Variants in SBF2 observed in about 807,000 individuals in gnomAD.
The protein encoded by SBF2 is SET binding factor 2, also known as myotubularin-related protein 13.
A neutral mutation model predicts 225.2 loss-of-function variants in SBF2; 112 were observed. That is an observed-to-expected ratio of 0.50 (90% CI 0.43 to 0.58). SBF2 has a LOEUF of 0.58. Among genes scored for constraint, SBF2 ranks in the 20% least tolerant of loss-of-function variants. SBF2 has a pLI of 0.00. For missense variants in SBF2, 1,996 were observed against 2,206.2 expected (o/e 0.90, Z 1.91); for synonymous variants, 763 against 773.3 (o/e 0.99, Z 0.22).
intron 1 of SBF2, among the ~76,000 whole-genome samples, chr11:10,224,157 G>A (rs1308121483): frequency 6.6e-6 from 1 of 151,778 alleles, no homozygotes; most frequent in Non-Finnish European, 1.5e-5. Context: ...AATATTTCTA[G>A]GCTATGCAGT....
At chr11:10,014,524 A>AAC (rs1948576849) in intron 6 of SBF2, among the ~76,000 whole-genome samples, 1 of 146,472 alleles carries the variant, frequency 6.8e-6, no homozygotes, top group Admixed American at 6.7e-5. Context: ...AAAAAAAAAA[A>AAC]AAAACGAAAA....
In SBF2 at chr11:9,795,816, C is replaced by T. The variant is rs766110959; in HGVS notation, c.4570+15G>A. 2.5e-6 allele frequency: 4 copies of T among 1,612,558 alleles called. No individual in the cohort carries two copies. The Admixed American group carries it at 5.0e-5, about 20-fold the overall frequency. ...ACTAACAAAAAAGATGAAACAAGGG[C>T]ATACAGACACATACCGTGCTCTAAT... On this transcript the variant is annotated intron_variant, in intron 33 of 39. Transcript: ENST00000256190.
chr11:10,251,889 TGGTCACTCTCTCACCTAA>T (rs975524805), intron 1 of SBF2, among the ~76,000 whole-genome samples: 2 of 152,202 alleles, frequency 1.3e-5, no homozygotes, highest in African/African-American at 4.8e-5. Flanking sequence ...TCCTAGGTTT[TGGTCACTCTCTCACCTAA>T]GGGAGAAGCT....
At chr11:10,166,698 C>T (rs1299933437) in intron 2 of SBF2, among the ~76,000 whole-genome samples, 3 of 152,126 alleles carry the variant, frequency 2.0e-5, no homozygotes, top group African/African-American at 7.2e-5. Flanking sequence ...CATGGTGGCT[C>T]ATTCCTGTAA....
At chr11:9,813,233 A>T (rs1370433619) in intron 29 of SBF2, among the ~76,000 whole-genome samples, 2 of 152,220 alleles carry the variant, frequency 1.3e-5, no homozygotes, top group Non-Finnish European at 2.9e-5. Context: ...TGCAAGTAAA[A>T]CATATTCATA....
chr11:10,252,738 A>G (rs1351206364), intron 1 of SBF2, among the ~76,000 whole-genome samples: 5 of 149,660 alleles, frequency 3.3e-5, no homozygotes, highest in African/African-American at 1.2e-4. Context: ...TGCACCTGGG[A>G]GGCGGAGCTT....
intron 2 of SBF2, among the ~76,000 whole-genome samples, chr11:10,185,906 C>T (rs1430192476): frequency 6.6e-6 from 1 of 152,068 alleles, no homozygotes; most frequent in East Asian, 1.9e-4. Context: ...TCAGTTGGTT[C>T]TAGATAGCTC....
intron 23 of SBF2, among the ~76,000 whole-genome samples, chr11:9,845,975 G>A (rs1052266516): frequency 2.6e-5 from 4 of 152,220 alleles, no homozygotes; most frequent in Non-Finnish European, 5.9e-5. Context: ...GTTTCTTTAA[G>A]ATTATTTCTT....
intron 1 of SBF2, among the ~76,000 whole-genome samples, chr11:10,250,059 C>T (rs563213141): frequency 5.9e-5 from 9 of 151,946 alleles, no homozygotes; most frequent in Non-Finnish European, 1.0e-4. Context: ...AATTCTAATA[C>T]GTCTGAGTAT....
At chr11:10,022,785 T>C (rs994043385) in intron 6 of SBF2, among the ~76,000 whole-genome samples, 19 of 152,196 alleles carry the variant, frequency 1.2e-4, no homozygotes, top group South Asian at 2.1e-4. Flanking sequence ...AATCTCGAGG[T>C]TGAGGAACCT....
chr11:9,971,421 G>A (rs1212906569), intron 13 of SBF2, among the ~76,000 whole-genome samples: 1 of 152,082 alleles, frequency 6.6e-6, no homozygotes, highest in Non-Finnish European at 1.5e-5. Flanking sequence ...TTATGCTTAT[G>A]TAATCTCAGC....
At chr11:10,198,677 C>T (rs1442170124) in intron 1 of SBF2, among the ~76,000 whole-genome samples, 2 of 152,218 alleles carry the variant, frequency 1.3e-5, no homozygotes, top group African/African-American at 2.4e-5. Context: ...CAGCCTGTTT[C>T]GTCTACACTG....
chr11:9,856,754 C>G (rs374802796), intron 18 of SBF2, 34 bp from the exon 19 acceptor site: 18 of 1,600,920 alleles, frequency 1.1e-5, no homozygotes, highest in Non-Finnish European at 1.5e-5. Flanking sequence ...CAAAAGAGAA[C>G]CATCACTTCA....
chr11:9,851,974 T>C (rs1039634461), intron 21 of SBF2, among the ~76,000 whole-genome samples: 2 of 152,226 alleles, frequency 1.3e-5, no homozygotes, highest in Non-Finnish European at 2.9e-5. Flanking sequence ...GGTTTCATCA[T>C]GTTGCCCAGG....
intron 1 of SBF2, among the ~76,000 whole-genome samples, chr11:10,267,542 G>C (rs780614615): frequency 2.9e-4 from 44 of 152,260 alleles, no homozygotes; most frequent in Non-Finnish European, 5.7e-4. Flanking sequence ...AATGGCCAAG[G>C]GGAAGAGGTT....
At chr11:10,046,562 A>G (rs939092654) in intron 2 of SBF2, among the ~76,000 whole-genome samples, 3 of 151,956 alleles carry the variant, frequency 2.0e-5, no homozygotes, top group African/African-American at 7.3e-5. Flanking sequence ...AAAATCCAAT[A>G]CCTATTGATG....
At chr11:9,949,922 AAAATATCCACAATG>A (rs1355318023) in intron 16 of SBF2, among the ~76,000 whole-genome samples, 7 of 152,194 alleles carry the variant, frequency 4.6e-5, no homozygotes. Context: ...TGAACACATT[AAAATATCCACAATG>A]TATACATACT....
chr11:9,853,776 T>G, intron 19 of SBF2, 64 bp from the exon 20 acceptor site: 12 of 1,416,082 alleles, frequency 8.5e-6, no homozygotes, highest in Non-Finnish European at 1.2e-5. Flanking sequence ...TACTATATAG[T>G]AGTCAATTTA....
chr11:10,097,533 A>T (rs1376623177), intron 2 of SBF2, among the ~76,000 whole-genome samples: 2 of 152,212 alleles, frequency 1.3e-5, no homozygotes, highest in African/African-American at 4.8e-5. Flanking sequence ...TTCTTTAAAA[A>T]AAGCTTATTA....
Sources: allele counts gnomAD v4.1 joint callset (sites outside exome capture counted in the v4.1 genomes callset), GRCh38; gene constraint gnomAD v4.1.1; transcripts MANE v1.5; gene names NCBI Gene and HGNC (gene_info 2026-07-23, HGNC 2026-07-21).